GLIS3: variants seen among roughly 807,000 people sequenced by gnomAD.
The protein encoded by GLIS3 is zinc finger protein GLIS3.
GLIS3 carries 53 observed loss-of-function variants against 78.6 expected under a neutral mutation model. The ratio of observed to expected loss-of-function variants is 0.67; its 90% confidence interval spans 0.54 to 0.85. GLIS3 has a LOEUF of 0.85. GLIS3 is among the 40% of genes least tolerant of loss of function. The probability of loss-of-function intolerance (pLI) is 0.00; values close to 1 mark genes in which losing one functional copy is unlikely to be tolerated. For synonymous variants in GLIS3, 684 were observed against 509.9 expected, an observed-to-expected ratio of 1.34 and a Z score of -4.60; for missense variants, 1,703 against 1,231.1, an observed-to-expected ratio of 1.38 and a Z score of -5.74.
intron 2 of GLIS3, among the ~76,000 whole-genome samples, chr9:4,234,428 G>T (rs946439161): frequency 2.0e-5 from 3 of 152,296 alleles, no homozygotes; most frequent in Non-Finnish European, 2.9e-5. Context: ...GATAGGGAAT[G>T]GGCACTCTGT....
At chr9:4,234,376 G>T (rs920131182) in intron 2 of GLIS3, among the ~76,000 whole-genome samples, 1 of 152,160 alleles carries the variant, frequency 6.6e-6, no homozygotes, top group South Asian at 2.1e-4. Context: ...TTTCAATACT[G>T]CTGTGTTTTA....
intron 2 of GLIS3, among the ~76,000 whole-genome samples, chr9:4,187,623 C>G (rs1335324388): frequency 6.6e-6 from 1 of 152,192 alleles, no homozygotes; most frequent in Non-Finnish European, 1.5e-5. Context: ...TCTTCCTACC[C>G]ATGAGCATGG....
chr9:4,288,380 A>C (rs1392178056), intron 1 of GLIS3, among the ~76,000 whole-genome samples: 2 of 152,214 alleles, frequency 1.3e-5, no homozygotes, highest in Non-Finnish European at 2.9e-5. Flanking sequence ...TTTTAAAATA[A>C]AGAATTGTTC....
intron 4 of GLIS3, among the ~76,000 whole-genome samples, chr9:4,100,166 G>A (rs981871899): frequency 1.1e-4 from 16 of 152,282 alleles, no homozygotes; most frequent in African/African-American, 3.8e-4. Context: ...AGAGTTCCTA[G>A]AACAGAAACC....
chr9:3,948,425 G>C (rs1048890984), intron 4 of GLIS3, among the ~76,000 whole-genome samples: 5 of 152,026 alleles, frequency 3.3e-5, no homozygotes, highest in Admixed American at 6.6e-5. Context: ...ATGACCTTTT[G>C]GGTCTTAAGA....
intron 2 of GLIS3, among the ~76,000 whole-genome samples, chr9:4,157,047 G>A (rs1015524211): frequency 1.3e-5 from 2 of 152,254 alleles, no homozygotes; most frequent in East Asian, 1.9e-4. Context: ...TCCCTGTAAC[G>A]CTTCCATTAA....
At chr9:3,864,983 C>T (rs1820477238) in intron 8 of GLIS3, among the ~76,000 whole-genome samples, 1 of 152,100 alleles carries the variant, frequency 6.6e-6, no homozygotes, top group Non-Finnish European at 1.5e-5. Context: ...AATTCCTGTG[C>T]CCAGGTAGAT....
intron 4 of GLIS3, among the ~76,000 whole-genome samples, chr9:4,102,918 G>A (rs1245348909): frequency 6.6e-6 from 1 of 151,636 alleles, no homozygotes. Flanking sequence ...AAAAGACAGA[G>A]GAATAAGTAG....
At chr9:4,381,240 A>G in the GLIS3 span, among the ~76,000 whole-genome samples, 1 of 152,234 alleles carries the variant, frequency 6.6e-6, no homozygotes, top group African/African-American at 2.4e-5. Context: ...ATATCTTTAA[A>G]AAGTATCTTA....
intron 4 of GLIS3, among the ~76,000 whole-genome samples, chr9:4,078,202 T>C (rs2130680560): frequency 6.6e-6 from 1 of 152,332 alleles, no homozygotes; most frequent in South Asian, 2.1e-4. Flanking sequence ...ATCATTTTTT[T>C]CAATATAATC....
the GLIS3 span, among the ~76,000 whole-genome samples, chr9:4,461,528 G>A: frequency 2.6e-5 from 4 of 152,040 alleles, no homozygotes; most frequent in Non-Finnish European, 1.5e-5. Flanking sequence ...TTTTCAAAAC[G>A]ATTACAACAG....
chr9:4,415,651 A>C, the GLIS3 span, among the ~76,000 whole-genome samples: 2 of 152,246 alleles, frequency 1.3e-5, no homozygotes, highest in East Asian at 3.8e-4. Flanking sequence ...GAAACAGTGC[A>C]AATGTGACCT....
intron 4 of GLIS3, among the ~76,000 whole-genome samples, chr9:4,017,265 TAGTC>T (rs1171326317): frequency 1.3e-5 from 2 of 152,164 alleles, no homozygotes; most frequent in Admixed American, 6.6e-5. Flanking sequence ...TAACTATAAT[TAGTC>T]AGAGTGGTTT....
chr9:3,915,998 A>T (rs1824486265), intron 6 of GLIS3, among the ~76,000 whole-genome samples: 1 of 152,226 alleles, frequency 6.6e-6, no homozygotes, highest in African/African-American at 2.4e-5. Context: ...CAGATTTTTT[A>T]AAAAATCAGA....
chr9:4,059,876 G>C (rs1826499731), intron 4 of GLIS3, among the ~76,000 whole-genome samples: 2 of 150,558 alleles, frequency 1.3e-5, no homozygotes, highest in Admixed American at 6.6e-5. Flanking sequence ...GAAAGAGAGA[G>C]ACTGGCTCTC....
At chr9:4,163,906 CT>C (rs113459326) in intron 2 of GLIS3, among the ~76,000 whole-genome samples, 1 of 152,176 alleles carries the variant, frequency 6.6e-6, no homozygotes, top group African/African-American at 2.4e-5. Context: ...AAGGCCAGTG[CT>C]TTTCATCACC....
At chr9:4,258,576 T>C (rs1299362838) in intron 2 of GLIS3, among the ~76,000 whole-genome samples, 1 of 152,166 alleles carries the variant, frequency 6.6e-6, no homozygotes, top group Non-Finnish European at 1.5e-5. Flanking sequence ...TCATAATGGG[T>C]AAAGAATTCA....
At chr9:4,158,498 G>A (rs1016996659) in intron 2 of GLIS3, among the ~76,000 whole-genome samples, 4 of 152,312 alleles carry the variant, frequency 2.6e-5, no homozygotes, top group South Asian at 2.1e-4. Context: ...CAGCTATACT[G>A]TCTCCTGTCT....
At chr9:3,950,772 C>A (rs542736517) in intron 4 of GLIS3, among the ~76,000 whole-genome samples, 1 of 152,260 alleles carries the variant, frequency 6.6e-6, no homozygotes, top group African/African-American at 2.4e-5. Context: ...TAGTAAGCAC[C>A]CAATGCAGAT....
Sources: allele counts gnomAD v4.1 joint callset (sites outside exome capture counted in the v4.1 genomes callset), GRCh38; gene constraint gnomAD v4.1.1; transcripts MANE v1.5; gene names NCBI Gene and HGNC (gene_info 2026-07-23, HGNC 2026-07-21).